ZEB1: variants seen among roughly 807,000 people sequenced by gnomAD.
The protein encoded by ZEB1 is zinc finger E-box-binding homeobox 1.
Under a neutral mutation model 84.9 loss-of-function variants are expected in ZEB1, and 21 were observed. The ratio of observed to expected loss-of-function variants is 0.25; its 90% CI spans 0.18 to 0.36. The LOEUF (loss-of-function observed/expected upper bound fraction) is 0.36. Ranked by LOEUF, ZEB1 falls within the 10% of genes least tolerant of loss-of-function variation. ZEB1 has a pLI of 1.00. For synonymous variants in ZEB1, 420 were observed against 471.1 expected, an observed-to-expected ratio of 0.89 and a Z score of 1.41; for missense variants, 1,104 against 1,330.2, an observed-to-expected ratio of 0.83 and a Z score of 2.65.
intron 1 of ZEB1, among the ~76,000 whole-genome samples, chr10:31,332,624 G>A (rs912022877): frequency 6.6e-6 from 1 of 152,018 alleles, no homozygotes; most frequent in Admixed American, 6.6e-5. Context: ...ATTCAGGCCT[G>A]GTATATGTTT....
intron 2 of ZEB1, among the ~76,000 whole-genome samples, chr10:31,468,783 C>T (rs1401577268): frequency 6.6e-6 from 1 of 152,062 alleles, no homozygotes; most frequent in Non-Finnish European, 1.5e-5. Flanking sequence ...AATAATCCCA[C>T]CCAAATGAAG....
At chr10:31,361,141 G>T (rs922446050) in intron 1 of ZEB1, 1 of 1,611,876 alleles carries the variant, frequency 6.2e-7, no homozygotes, top group African/African-American at 1.3e-5. Context: ...ACTGATTGAA[G>T]AGTGGCAACC....
intron 2 of ZEB1, among the ~76,000 whole-genome samples, chr10:31,490,690 A>G (rs1290381588): frequency 1.3e-5 from 2 of 151,566 alleles, no homozygotes; most frequent in African/African-American, 2.4e-5. Flanking sequence ...CCATTTTTTG[A>G]TCATCTTTTC....
Position 31,450,235 on chromosome 10 carries a change from G to A in ZEB1, c.59-10802G>A, listed in dbSNP as rs143826196. ...CTTTTCATTTATTCAAATATTTGAT[G>A]ACTTTTACATAGAATGCTAGTTTTC... On this transcript the variant is annotated intron_variant, in intron 1 of 8. Transcript: ENST00000424869. Among the ~76,000 whole-genome samples, 143 of 152,224 alleles carry A rather than the reference G, an allele frequency of 9.4e-4. 4 individuals carry two copies. The East Asian group carries it at 0.025, about 26-fold the overall frequency.
At chr10:31,319,643 G>A (rs2033193573) in intron 1 of ZEB1, 1 of 293,218 alleles carries the variant, frequency 3.4e-6, no homozygotes, top group Non-Finnish European at 6.2e-6. Context: ...TTCTGGTCCC[G>A]GGTGGAGCGG....
chr10:31,511,913 A>G (rs1397409847), intron 5 of ZEB1, among the ~76,000 whole-genome samples: 1 of 152,198 alleles, frequency 6.6e-6, no homozygotes. Context: ...AAATAACAAG[A>G]TAATAAGAAG....
At chr10:31,336,049 T>TG (rs776471316) in intron 1 of ZEB1, among the ~76,000 whole-genome samples, 43 of 152,168 alleles carry the variant, frequency 2.8e-4, no homozygotes, top group Non-Finnish European at 5.6e-4. Flanking sequence ...TATGAAACAT[T>TG]GGCAGACATA....
At chr10:31,453,184 G>C (rs1380124118) in intron 1 of ZEB1, among the ~76,000 whole-genome samples, 3 of 152,066 alleles carry the variant, frequency 2.0e-5, no homozygotes, top group Admixed American at 2.0e-4. Flanking sequence ...ACATAATAAG[G>C]GTGTCCTCTG....
At chr10:31,523,275 A>T (rs34610287) in intron 7 of ZEB1, among the ~76,000 whole-genome samples, 62 of 152,320 alleles carry the variant, frequency 4.1e-4, no homozygotes, top group Non-Finnish European at 6.9e-4. Context: ...TATCTCCATG[A>T]GACTGCCTGG....
At chr10:31,348,989 G>A (rs2040826356) in intron 1 of ZEB1, among the ~76,000 whole-genome samples, 1 of 152,102 alleles carries the variant, frequency 6.6e-6, no homozygotes, top group Admixed American at 6.5e-5. Flanking sequence ...TATATTAACT[G>A]TAGGCCTATG....
intron 1 of ZEB1, among the ~76,000 whole-genome samples, chr10:31,449,908 A>T (rs1307782615): frequency 6.6e-6 from 1 of 152,210 alleles, no homozygotes; most frequent in Admixed American, 6.5e-5. Context: ...TCAGGGGTAT[A>T]CTATTAATAT....
At chr10:31,418,690 T>C (rs1459054280) in intron 1 of ZEB1, among the ~76,000 whole-genome samples, 1 of 152,098 alleles carries the variant, frequency 6.6e-6, no homozygotes, top group Admixed American at 6.6e-5. Flanking sequence ...AGTCACATCA[T>C]GTTACTAACT....
chr10:31,347,024 C>T (rs2040432034), intron 1 of ZEB1, among the ~76,000 whole-genome samples: 1 of 152,084 alleles, frequency 6.6e-6, no homozygotes, highest in African/African-American at 2.4e-5. Flanking sequence ...ATATTTATTA[C>T]AGTTTTCCAA....
chr10:31,425,284 T>G (rs1475269438), intron 1 of ZEB1, among the ~76,000 whole-genome samples: 1 of 152,098 alleles, frequency 6.6e-6, no homozygotes, highest in Non-Finnish European at 1.5e-5. Flanking sequence ...TTTTTAAAAT[T>G]TTGAAACCAT....
rs768381015 is a variant in ZEB1 at position 31,514,623 on chromosome 10, G to A, written c.708G>A (p.Gly236=). The change falls in exon 6 of 9, where the codon GGG becomes GGA. Residue 236 remains glycine (G), a synonymous_variant. Transcript: ENST00000424869. ...GRDQRHVTQS[G]CNRKFKCTEC... The stretch of plus-strand genomic sequence containing the variant: ...TACAGAGACATGTGACGCAGTCTGG[G>A]TGTAATCGTAAATTCAAATGCACTG... 6.2e-7 allele frequency: 1 copy of A among 1,612,622 alleles called. No homozygotes were observed. Among genetic ancestry groups the A allele is most frequent in the Admixed American group, 1.7e-5 (1 of 59,972 alleles).
chr10:31,367,489 T>C (rs1564613069), intron 1 of ZEB1, among the ~76,000 whole-genome samples: 1 of 152,214 alleles, frequency 6.6e-6, no homozygotes, highest in Non-Finnish European at 1.5e-5. Flanking sequence ...TGCACTTTTC[T>C]AGGCAGTTTG....
chr10:31,323,408 A>G (rs754299250), intron 1 of ZEB1, among the ~76,000 whole-genome samples: 13 of 152,100 alleles, frequency 8.5e-5, no homozygotes, highest in Admixed American at 7.2e-4. Context: ...GACTTAGACT[A>G]TGGATGGGTT....
chr10:31,489,910 T>C (rs1199672038), intron 2 of ZEB1, among the ~76,000 whole-genome samples: 2 of 151,554 alleles, frequency 1.3e-5, no homozygotes, highest in African/African-American at 2.4e-5. Context: ...CAATGAACTA[T>C]ACTTTTTATC....
rs576362982 is a variant in ZEB1, at chr10:31,342,672, A to G, written c.58+23380A>G. 5.9e-5 allele frequency among the ~76,000 whole-genome samples: 9 copies of G among 152,288 alleles called. No homozygotes were observed. The East Asian group carries it at 1.7e-3, about 29-fold the overall frequency. On this transcript the variant is annotated intron_variant, in intron 1 of 8. Transcript: ENST00000424869. Reference sequence around the variant, plus strand: ...GATCTATAGATAAGAAGCAGCAGAGAGTGGAATAGATAAGCTTTCTTATTT... The same window carrying G: ...GATCTATAGATAAGAAGCAGCAGAGGGTGGAATAGATAAGCTTTCTTATTT...
Sources: gnomAD v4.1 joint callset for allele counts (sites outside exome capture counted in the v4.1 genomes callset) on GRCh38, gnomAD v4.1.1 for gene constraint, MANE v1.5 for transcripts, NCBI Gene and HGNC (gene_info 2026-07-23, HGNC 2026-07-21) for gene names.